The following CDC7 variants were observed in gnomAD, a reference collection of about 807,000 sequenced individuals.
The protein encoded by CDC7 is cell division cycle 7-related protein kinase.
In CDC7, 34 loss-of-function variants were observed where a neutral mutation model predicts 53.5. The ratio of observed to expected loss-of-function variants is 0.64; its 90% CI spans 0.48 to 0.85. The LOEUF (loss-of-function observed/expected upper bound fraction) is 0.85, where lower values mean the gene tolerates loss of function less well. CDC7 is among the 40% of genes least tolerant of loss of function. CDC7 has a pLI of 0.00. For synonymous variants in CDC7, 211 were observed against 222.8 expected (o/e 0.95, Z 0.47); for missense variants, 594 against 679.7 (o/e 0.87, Z 1.40).
intron 2 of CDC7, among the ~76,000 whole-genome samples, chr1:91,506,361 T>C (rs543156152): frequency 2.0e-4 from 31 of 152,134 alleles, no homozygotes; most frequent in Admixed American, 4.6e-4. Flanking sequence ...CTTTTTTTTT[T>C]CTTGTTCCTG....
At chr1:91,519,241 T>C (rs1667771336) in intron 10 of CDC7, among the ~76,000 whole-genome samples, 1 of 119,628 alleles carries the variant, frequency 8.4e-6, no homozygotes, top group Admixed American at 1.0e-4. Context: ...CAAAACCTCG[T>C]CTCTACTAAA....
chr1:91,507,767 ATTTAT>A (rs1390887671), intron 2 of CDC7, 82 bp from the exon 3 acceptor site: 2 of 898,238 alleles, frequency 2.2e-6, no homozygotes, highest in Non-Finnish European at 3.4e-6. Context: ...ATATTTTATA[ATTTAT>A]TTCATTGAGC....
intron 4 of CDC7, among the ~76,000 whole-genome samples, chr1:91,508,857 C>T (rs1316039688): frequency 6.6e-6 from 1 of 152,122 alleles, no homozygotes; most frequent in African/African-American, 2.4e-5. Context: ...CCTCCTTCTT[C>T]CACCTGCTCC....
intron 2 of CDC7, among the ~76,000 whole-genome samples, chr1:91,505,072 C>T (rs1445968851): frequency 1.3e-5 from 2 of 152,136 alleles, no homozygotes; most frequent in African/African-American, 2.4e-5. Context: ...TATGGTTGCT[C>T]ATAGCCTTCT....
Position 91,507,933 on chromosome 1 carries a change from A to G in CDC7, c.195A>G (p.Gly65=). The G allele has an allele frequency of 6.4e-7, 1 of 1,564,500 alleles. No homozygotes were observed. The highest frequency in any genetic ancestry group is 1.9e-5 in the Admixed American group (1 of 52,128). ...SNVFKIEDKI[G]EGTFSSVYLA... ...TGTTTAAGATTGAGGACAAAATTGG[A>G]GAAGGTAATCTGGGGATATGCTTTT... The change falls in exon 3 of 12, where the codon GGA becomes GGG. Residue 65 remains glycine, a synonymous_variant. Transcript: ENST00000234626.
intron 8 of CDC7, among the ~76,000 whole-genome samples, chr1:91,514,410 A>G (rs529926806): frequency 2.0e-5 from 3 of 152,324 alleles, no homozygotes; most frequent in East Asian, 1.9e-4. Context: ...ATCAATGTAG[A>G]TGATTTCAGA....
At chr1:91,518,677 TA>T (rs1369357694) in intron 10 of CDC7, among the ~76,000 whole-genome samples, 1 of 152,098 alleles carries the variant, frequency 6.6e-6, no homozygotes, top group African/African-American at 2.4e-5. Flanking sequence ...TTGTGGGATC[TA>T]AAAATTAAAA....
Position 91,515,880 on chromosome 1 carries a change from T to A in CDC7, c.1180+4T>A. 1 of 1,609,098 alleles carries A rather than the reference T, an allele frequency of 6.2e-7. No homozygotes were observed. The highest frequency in any genetic ancestry group is 8.5e-7 in the Non-Finnish European group (1 of 1,175,606). ...AAGTGCCCCAATCAAACTACAGGTA[T>A]GTTGTACTGGAAATACAGAACCTAG... On this transcript the variant is annotated splice_donor_region_variant and intron_variant, in intron 10 of 11. Transcript: ENST00000234626.
At position 91,515,863 on chromosome 1, in the gene CDC7, C is replaced by T. The variant is rs1325156860; in HGVS notation, c.1167C>T (p.Pro389=). The T allele has an allele frequency of 6.2e-7, 1 of 1,613,176 alleles. No homozygotes were observed. Among genetic ancestry groups the T allele is most frequent in the East Asian group, 2.2e-5 (1 of 44,804 alleles). The change falls in exon 10 of 12, where the codon CCC becomes CCT. Residue 389 remains proline, a synonymous_variant. Transcript: ENST00000234626. ...CACCAGAGGTCTTGACAAAGTGCCC[C>T]AATCAAACTACAGGTATGTTGTACT... The part of the protein sequence containing the change: ...FRAPEVLTKC[P]NQTTAIDMWS...
chr1:91,513,887 C>T, intron 7 of CDC7, 61 bp from the exon 8 acceptor site: 2 of 1,200,776 alleles, frequency 1.7e-6, no homozygotes, highest in Middle Eastern at 2.1e-4. Context: ...TGGCAGAGTA[C>T]AGCTGGCAGA....
intron 2 of CDC7, among the ~76,000 whole-genome samples, chr1:91,502,135 C>T (rs1666722760): frequency 6.6e-6 from 1 of 152,206 alleles, no homozygotes; most frequent in African/African-American, 2.4e-5. Context: ...TATCTCTACT[C>T]ACCACATTGC....
chr1:91,520,371 A>G, intron 11 of CDC7, 92 bp downstream of exon 11: 1 of 1,076,552 alleles, frequency 9.3e-7, no homozygotes, highest in East Asian at 2.7e-5. Flanking sequence ...TTCTTTACAA[A>G]TAAACATTCA....
At chr1:91,509,116 G>A (rs1271183331) in intron 4 of CDC7, among the ~76,000 whole-genome samples, 1 of 152,004 alleles carries the variant, frequency 6.6e-6, no homozygotes, top group Non-Finnish European at 1.5e-5. Context: ...CATTTTCAGT[G>A]TCTTTGCTAG....
intron 4 of CDC7, among the ~76,000 whole-genome samples, chr1:91,511,190 A>G (rs1667268519): frequency 6.6e-6 from 1 of 152,284 alleles, no homozygotes; most frequent in Non-Finnish European, 1.5e-5. Context: ...GAAGCAGTGT[A>G]ACATAGTGAT....
In CDC7 at chr1:91,525,740, TAA is replaced by T. The variant is rs923824969; in HGVS notation, c.*1307_*1308del. ...AATGCTCTTGAATTTGTATATTCAA[TAA>T]AGTTATCCTTTTATATTTTTTATGT... On this transcript the variant is annotated 3_prime_UTR_variant, in exon 12 of 12. Transcript: ENST00000234626. The T allele has an allele frequency of 1.3e-5, 2 of 152,074 alleles. No individual in the cohort carries two copies. The highest frequency in any genetic ancestry group is 2.4e-5 in the African/African-American group (1 of 41,444). 9.4% of individuals were successfully genotyped at this position (152,074 alleles called of 1,614,324 possible). A position where few individuals can be genotyped will look rare whatever the true frequency, so the allele number is the denominator to read the frequency against.
chr1:91,509,386 A>C (rs986204363), intron 4 of CDC7, among the ~76,000 whole-genome samples: 11 of 151,852 alleles, frequency 7.2e-5, no homozygotes, highest in Admixed American at 5.9e-4. Flanking sequence ...AAAAAAAAAA[A>C]AACACCACAA....
Position 91,513,139 on chromosome 1 carries a change from TCAGC to T in CDC7, c.655_658del (p.Gln219ArgfsTer11). ...TTCTTAAATTTGTCCAGTCTGAAGC[TCAGC>T]AGGAAAGGTGTTCACAAAACAAATC... On this transcript the variant is annotated frameshift_variant, in exon 7 of 12. Coordinates refer to ENST00000234626, the MANE Select transcript of CDC7 (RefSeq NM_003503.4). LOFTEE classifies it high-confidence loss of function. 6.2e-7 allele frequency: 1 copy of T among 1,613,686 alleles called. No individual in the cohort carries two copies. Among genetic ancestry groups the T allele is most frequent in the South Asian group, 1.1e-5 (1 of 91,062 alleles).
chr1:91,521,634 C>T (rs1302291798), intron 11 of CDC7, among the ~76,000 whole-genome samples: 1 of 152,148 alleles, frequency 6.6e-6, no homozygotes, highest in Non-Finnish European at 1.5e-5. Flanking sequence ...TGTTTATTCT[C>T]AACTGAGAAA....
intron 2 of CDC7, among the ~76,000 whole-genome samples, chr1:91,505,005 T>C (rs1158822243): frequency 2.0e-5 from 3 of 151,522 alleles, no homozygotes; most frequent in African/African-American, 7.3e-5. Context: ...ACTAAGAAAA[T>C]GTAAAAGGGA....
Sources: allele counts gnomAD v4.1 joint callset (sites outside exome capture counted in the v4.1 genomes callset), GRCh38; gene constraint gnomAD v4.1.1; transcripts MANE v1.5; gene names NCBI Gene and HGNC (gene_info 2026-07-23, HGNC 2026-07-21).